MAP7D3: variants seen among roughly 807,000 people sequenced by gnomAD.
MAP7D3 encodes the protein MAP7 domain-containing protein 3.
A neutral mutation model predicts 62.2 loss-of-function variants in MAP7D3; 45 were observed. The observed-to-expected ratio is 0.72, with a 90% CI of 0.57 to 0.93. The LOEUF (loss-of-function observed/expected upper bound fraction) is 0.93. Ranked by LOEUF, MAP7D3 falls within the 40% of genes least tolerant of loss-of-function variation. The pLI, the probability that MAP7D3 is intolerant of heterozygous loss-of-function variation, is 0.00. For synonymous variants in MAP7D3, 288 were observed against 248.8 expected (o/e 1.16, Z -1.48); for missense variants, 711 against 683.1 (o/e 1.04, Z -0.45).
rs1029873746 is a variant in MAP7D3, at chrX:136,236,185, T to C, written c.736+59A>G. 6.9e-6 allele frequency: 5 copies of C among 721,578 alleles called. No individual in the cohort carries two copies. The African/African-American group carries it at 1.1e-4, about 16-fold the overall frequency. 59.5% of individuals were successfully genotyped at this position (721,578 alleles called of 1,213,427 possible). On this transcript the variant is annotated intron_variant, in intron 7 of 18. Coordinates refer to ENST00000316077, the MANE Select transcript of MAP7D3 (RefSeq NM_024597.4). ...GAATGATTTTTCAAGCAATTCAATG[T>C]TGACATAAAATACCTCTTTTAAATC... is the stretch of plus-strand genomic sequence containing the variant.
Position 136,233,733 on chromosome X carries a change from C to T in MAP7D3, c.737-1513G>A, listed in dbSNP as rs957170088. ...GGCAAATTTTCACCTAATCTTACCCCAAATTACCAAAGATAGACTACTTAT... is the reference window on the plus strand; with the variant it reads ...GGCAAATTTTCACCTAATCTTACCCTAAATTACCAAAGATAGACTACTTAT... On this transcript the variant is annotated intron_variant, in intron 7 of 18. Coordinates refer to ENST00000316077, the MANE Select transcript of MAP7D3 (RefSeq NM_024597.4). Among the ~76,000 whole-genome samples, 3 of 107,053 alleles carry T rather than the reference C, an allele frequency of 2.8e-5. No homozygotes were observed. In the East Asian group the frequency reaches 8.9e-4, roughly 32 times the overall value. The allele number at this position is 107,053 out of a possible 115,157, so 93.0% of individuals were successfully genotyped here. A position where few individuals can be genotyped will look rare whatever the true frequency, so the allele number is the denominator to read the frequency against.
At chrX:136,229,965 A>G (rs1203547460) in intron 10 of MAP7D3, among the ~76,000 whole-genome samples, 691 of 29,836 alleles carry the variant, frequency 0.023, 5 homozygotes, top group Non-Finnish European at 0.028. Flanking sequence ...TTGTGTGTGT[A>G]TATATATATA....
At chrX:136,229,989 A>ATT (rs1340858701) in intron 10 of MAP7D3, among the ~76,000 whole-genome samples, 3 of 46,636 alleles carry the variant, frequency 6.4e-5, no homozygotes, top group African/African-American at 2.5e-4. Context: ...ATATATATAT[A>ATT]TATATTTTTT....
At position 136,230,945 on chromosome X, in the gene MAP7D3, C is replaced by G; in HGVS notation, c.1435G>C (p.Ala479Pro). ...APKKSEMDKQ[A>P]LIPIAKKRLS... ...CGCTTCTTGGCAATAGGGATTAAGG[C>G]CTGTTTGTCCATTTCTGATTTCTGA... Residue 479 changes from alanine to proline, a missense_variant, in exon 9 of 19, where the codon GCC becomes CCC. Transcript: ENST00000316077. 1 of 1,198,387 alleles carries G rather than the reference C, an allele frequency of 8.3e-7. No individual in the cohort carries two copies. The highest frequency in any genetic ancestry group is 1.1e-6 in the Non-Finnish European group (1 of 885,106).
upstream of MAP7D3, among the ~76,000 whole-genome samples, chrX:136,255,402 T>C (rs2074546161): frequency 8.9e-6 from 1 of 112,384 alleles, no homozygotes; most frequent in South Asian, 3.7e-4. Context: ...ACATCATTGG[T>C]AGATTACTGT....
At chrX:136,216,292 A>AG (rs1252902242), downstream of MAP7D3, among the ~76,000 whole-genome samples, 4 of 91,703 alleles carry the variant, frequency 4.4e-5, no homozygotes, top group Non-Finnish European at 6.3e-5. Flanking sequence ...TTGGAGGCTG[A>AG]GGCAGGAAGA....
chrX:136,219,131 G>A (rs758175225), intron 18 of MAP7D3, among the ~76,000 whole-genome samples: 1 of 112,738 alleles, frequency 8.9e-6, no homozygotes, highest in South Asian at 3.7e-4. Flanking sequence ...GATTACAGGC[G>A]TAAGCCACTG....
intron 13 of MAP7D3, among the ~76,000 whole-genome samples, chrX:136,225,249 T>C (rs996778340): frequency 3.6e-5 from 4 of 112,662 alleles, no homozygotes; most frequent in Admixed American, 2.8e-4. Context: ...GAAGCCAATG[T>C]TAATGAAAAT....
At chrX:136,249,965 C>T (rs1480965708) in intron 1 of MAP7D3, among the ~76,000 whole-genome samples, 1 of 112,249 alleles carries the variant, frequency 8.9e-6, no homozygotes, top group Non-Finnish European at 1.9e-5. Context: ...TATACAAATG[C>T]TTTTAGGGGT....
At position 136,232,036 on chromosome X, in the gene MAP7D3, G is replaced by A. The variant is rs759486358; in HGVS notation, c.921C>T (p.Pro307=). 8.3e-7 allele frequency: 1 copy of A among 1,210,905 alleles called. No homozygotes were observed. ...TGCAGAATACTTCCACATTCACCTGGGGGGGTGCATCCACACTTGCCTTGG... is the reference window on the plus strand; with the variant it reads ...TGCAGAATACTTCCACATTCACCTGAGGGGGTGCATCCACACTTGCCTTGG... ...TPPKASVDAP[P]QVNVEVFCNT... Residue 307 remains proline, a synonymous_variant, in exon 8 of 19, where the codon CCC becomes CCT. Coordinates refer to ENST00000316077, the MANE Select transcript of MAP7D3 (RefSeq NM_024597.4).
At position 136,240,371 on chromosome X, in the gene MAP7D3, T is replaced by C; in HGVS notation, c.640+11A>G. ...TAGAAATTCAGTAGAATACATGAAATAACTACTTACTTTTGGCAACGGAAT... is the reference window on the plus strand; with the variant it reads ...TAGAAATTCAGTAGAATACATGAAACAACTACTTACTTTTGGCAACGGAAT... On this transcript the variant is annotated intron_variant, in intron 6 of 18. Coordinates refer to ENST00000316077, the MANE Select transcript of MAP7D3 (RefSeq NM_024597.4). 2.8e-6 allele frequency: 3 copies of C among 1,083,238 alleles called. No individual in the cohort carries two copies. The highest frequency in any genetic ancestry group is 3.9e-6 in the Non-Finnish European group (3 of 779,199). The allele number at this position is 1,083,238 out of a possible 1,213,427, so 89.3% of individuals were successfully genotyped here.
chrX:136,251,920 C>T (rs2074518370), upstream of MAP7D3, among the ~76,000 whole-genome samples: 1 of 111,857 alleles, frequency 8.9e-6, no homozygotes, highest in Admixed American at 9.5e-5. Context: ...TAAATCATGA[C>T]ACATAGGTCT....
chrX:136,231,477 C>T (rs889047121), intron 8 of MAP7D3, 67 bp downstream of exon 8: 96 of 922,097 alleles, frequency 1.0e-4, no homozygotes, highest in Non-Finnish European at 1.3e-4. Context: ...TCTGACCTAT[C>T]GTGAACTATA....
intron 4 of MAP7D3, among the ~76,000 whole-genome samples, chrX:136,242,298 T>C (rs1311022220): frequency 8.9e-6 from 1 of 112,228 alleles, no homozygotes; most frequent in African/African-American, 3.2e-5. Context: ...TATTAAACTA[T>C]TTCTGATTCT....
At chrX:136,248,864 C>T (rs1228048554) in intron 1 of MAP7D3, among the ~76,000 whole-genome samples, 1 of 111,831 alleles carries the variant, frequency 8.9e-6, no homozygotes, top group Non-Finnish European at 1.9e-5. Context: ...GTGGTGAAGC[C>T]AGAACTTGAT....
intron 13 of MAP7D3, among the ~76,000 whole-genome samples, chrX:136,225,611 C>A (rs1396896093): frequency 2.7e-5 from 3 of 112,066 alleles, no homozygotes; most frequent in Admixed American, 9.5e-5. Flanking sequence ...TCTACCAACC[C>A]CTACCATGAC....
chrX:136,224,481 C>T (rs998518883), intron 14 of MAP7D3, among the ~76,000 whole-genome samples: 1 of 66,369 alleles, frequency 1.5e-5, no homozygotes, highest in East Asian at 4.3e-4. Context: ...ACATTGTATA[C>T]AAAAAAAAAA....
At chrX:136,231,156 C>T (rs1384607647) in intron 8 of MAP7D3, 190 bp from the exon 9 acceptor site, 1 of 347,462 alleles carries the variant, frequency 2.9e-6, no homozygotes, top group African/African-American at 2.7e-5. Context: ...ATTTACATTA[C>T]ACAATTCCAG....
chrX:136,229,986 TA>T (rs1485718789), intron 10 of MAP7D3, among the ~76,000 whole-genome samples: 155 of 62,246 alleles, frequency 2.5e-3, no homozygotes, highest in African/African-American at 5.6e-3. Context: ...TATATATATA[TA>T]TATATATTTT....
Sources: gnomAD v4.1 joint callset for allele counts (sites outside exome capture counted in the v4.1 genomes callset) on GRCh38, gnomAD v4.1.1 for gene constraint, MANE v1.5 for transcripts, NCBI Gene and HGNC (gene_info 2026-07-23, HGNC 2026-07-21) for gene names.